The following MCC variants were observed in gnomAD, a reference collection of about 807,000 sequenced individuals.
The protein encoded by MCC is colorectal mutant cancer protein.
Under a neutral mutation model 116.2 loss-of-function variants are expected in MCC, and 90 were observed. That is an observed-to-expected ratio of 0.77 (90% confidence interval 0.65 to 0.92). The LOEUF (loss-of-function observed/expected upper bound fraction) is 0.92, where lower values mean the gene tolerates loss of function less well. Ranked by LOEUF, MCC falls within the 40% of genes least tolerant of loss-of-function variation. MCC has a pLI of 0.00. For missense variants in MCC, 1,516 were observed against 1,312.2 expected (o/e 1.16, Z -2.40); for synonymous variants, 578 against 510.5 (o/e 1.13, Z -1.78).
intron 1 of MCC, among the ~76,000 whole-genome samples, chr5:113,478,834 G>A (rs1267867485): frequency 1.3e-5 from 2 of 152,022 alleles, no homozygotes; most frequent in Non-Finnish European, 1.5e-5. Context: ...TATCATTATG[G>A]CTTCTCACAC....
chr5:113,099,704 T>C (rs573281980), intron 8 of MCC, among the ~76,000 whole-genome samples: 4 of 152,230 alleles, frequency 2.6e-5, no homozygotes, highest in African/African-American at 7.2e-5. Context: ...GTACCTAGTG[T>C]AGTGCCTCCG....
At position 113,064,176 on chromosome 5, in the gene MCC, C is replaced by T; in HGVS notation, c.2030-9G>A. On this transcript the variant is annotated splice_polypyrimidine_tract_variant and intron_variant, in intron 13 of 18. Transcript: ENST00000408903. ...ATCCCCCGACTGGTCTCCTATGTGGCAGAGAAGCCAACGGATTAATCAACA... is the reference window on the plus strand; with the variant it reads ...ATCCCCCGACTGGTCTCCTATGTGGTAGAGAAGCCAACGGATTAATCAACA... 6.2e-7 allele frequency: 1 copy of T among 1,601,914 alleles called. No individual in the cohort carries two copies.
At chr5:113,180,178 A>G (rs1761548114) in intron 3 of MCC, among the ~76,000 whole-genome samples, 1 of 151,926 alleles carries the variant, frequency 6.6e-6, no homozygotes, top group Admixed American at 6.6e-5. Context: ...CATCTCTACT[A>G]CTTATCGTCA....
intron 1 of MCC, among the ~76,000 whole-genome samples, chr5:113,456,184 T>G (rs1459324321): frequency 6.6e-6 from 1 of 152,142 alleles, no homozygotes. Flanking sequence ...AAGCCTAACC[T>G]ATTTATGGCT....
chr5:113,483,120 T>A (rs1032625379), intron 1 of MCC, among the ~76,000 whole-genome samples: 1 of 152,230 alleles, frequency 6.6e-6, no homozygotes, highest in African/African-American at 2.4e-5. Flanking sequence ...TTCTATTCCA[T>A]TGACCTATTT....
chr5:113,313,368 C>G (rs1184517974), intron 3 of MCC, among the ~76,000 whole-genome samples: 1 of 151,870 alleles, frequency 6.6e-6, no homozygotes, highest in Non-Finnish European at 1.5e-5. Context: ...AACAAACAAA[C>G]AACAAAAACG....
chr5:113,166,570 C>T (rs1760777529), intron 3 of MCC, among the ~76,000 whole-genome samples: 1 of 151,846 alleles, frequency 6.6e-6, no homozygotes, highest in Non-Finnish European at 1.5e-5. Context: ...ATAAACAGGA[C>T]TATAAGATCC....
intron 1 of MCC, among the ~76,000 whole-genome samples, chr5:113,471,732 G>C (rs934937946): frequency 2.1e-5 from 3 of 140,204 alleles, no homozygotes; most frequent in African/African-American, 7.9e-5. Context: ...AGAGGTTACT[G>C]CTGTCTTTTT....
intron 6 of MCC, among the ~76,000 whole-genome samples, chr5:113,118,990 C>T (rs6898690): frequency 6.6e-6 from 1 of 152,214 alleles, no homozygotes; most frequent in Non-Finnish European, 1.5e-5. Context: ...TTCTTCCATG[C>T]TCCTCCCCGA....
chr5:113,042,310 A>AAAAG (rs1178979422), intron 17 of MCC, among the ~76,000 whole-genome samples: 1 of 147,940 alleles, frequency 6.8e-6, no homozygotes. Flanking sequence ...TGTCTCAAAA[A>AAAAG]AAAAAAAAAA....
intron 1 of MCC, chr5:113,436,713 T>C (rs560205359): frequency 6.6e-6 from 1 of 152,328 alleles, no homozygotes; most frequent in East Asian, 1.9e-4. Flanking sequence ...ATAAGAAACA[T>C]TTAACAGTGT....
At chr5:113,195,282 G>A (rs1297083751) in intron 3 of MCC, among the ~76,000 whole-genome samples, 4 of 152,170 alleles carry the variant, frequency 2.6e-5, no homozygotes, top group Admixed American at 6.5e-5. Flanking sequence ...ACCCAGCATC[G>A]GGAATGTAGA....
chr5:113,182,153 A>AC (rs1172902351), intron 3 of MCC, among the ~76,000 whole-genome samples: 1 of 152,138 alleles, frequency 6.6e-6, no homozygotes, highest in Non-Finnish European at 1.5e-5. Context: ...GGGTGATTTC[A>AC]CCCCCACCAA....
chr5:113,109,646 G>C (rs916737830), intron 6 of MCC, among the ~76,000 whole-genome samples: 4 of 152,168 alleles, frequency 2.6e-5, no homozygotes, highest in African/African-American at 9.7e-5. Context: ...TTTCATGTTT[G>C]TTACCACAAT....
chr5:113,075,199 G>A (rs186984414), intron 11 of MCC, among the ~76,000 whole-genome samples: 225 of 152,336 alleles, frequency 1.5e-3, no homozygotes, highest in African/African-American at 5.1e-3. Context: ...TGTGGAGGGT[G>A]CACCGGGTAC....
Position 113,122,795 on chromosome 5 carries a change from C to T in MCC, c.916G>A (p.Glu306Lys). ...EEDEYSELRS[E>K]LSQSQHEVNE... is the part of the protein sequence containing the mutation. ...ACCTCGTGTTGGCTCTGGCTGAGTT[C>T]TGATCGCAGTTCTGAGTACTCATCT... is the stretch of plus-strand genomic sequence containing the variant. Residue 306 changes from glutamate to lysine, a missense_variant, in exon 6 of 19, where the codon GAA (glutamate) becomes AAA (lysine). Transcript: ENST00000408903. 2 of 1,614,182 alleles carry T rather than the reference C, an allele frequency of 1.2e-6. No individual in the cohort carries two copies. The highest frequency in any genetic ancestry group is 1.7e-6 in the Non-Finnish European group (2 of 1,180,016).
chr5:113,086,456 C>T (rs918536975), intron 8 of MCC, among the ~76,000 whole-genome samples: 1 of 152,138 alleles, frequency 6.6e-6, no homozygotes, highest in African/African-American at 2.4e-5. Context: ...CCCCAAGTTA[C>T]CTACAGATGA....
intron 1 of MCC, among the ~76,000 whole-genome samples, chr5:113,477,941 A>G (rs975876209): frequency 2.6e-5 from 4 of 152,262 alleles, no homozygotes; most frequent in African/African-American, 7.2e-5. Flanking sequence ...ACCATGAGAA[A>G]AATCAATCAA....
intron 3 of MCC, among the ~76,000 whole-genome samples, chr5:113,257,653 A>G (rs1765069463): frequency 6.6e-6 from 1 of 152,190 alleles, no homozygotes. Flanking sequence ...TAAGCTACGG[A>G]TAAGAGGAAG....
Sources: allele counts gnomAD v4.1 joint callset (sites outside exome capture counted in the v4.1 genomes callset), GRCh38; gene constraint gnomAD v4.1.1; transcripts MANE v1.5; gene names NCBI Gene and HGNC (gene_info 2026-07-23, HGNC 2026-07-21).